The following LYG1 variants were observed in gnomAD, a reference collection of about 807,000 sequenced individuals.
LYG1 encodes the protein lysozyme g-like protein 1.
In LYG1, 17 loss-of-function variants were observed where a neutral mutation model predicts 21.7. The ratio of observed to expected loss-of-function variants is 0.78; its 90% CI spans 0.54 to 1.18. LYG1 has a LOEUF of 1.18. LYG1 is among the 50% of genes most tolerant of loss of function. The pLI, the probability that LYG1 is intolerant of heterozygous loss-of-function variation, is 0.00. For synonymous variants in LYG1, 81 were observed against 87.4 expected (o/e 0.93, Z 0.41); for missense variants, 211 against 238.1 (o/e 0.89, Z 0.75).
rs746220289 is a variant in LYG1, at chr2:99,295,703, C to CT, written c.-32-2dup. ...ATCTGGCTCTACGGCTCCTGAAACA[C>CT]TTTTAAAACAAAAATTAGCTTGAGA... On this transcript the variant is annotated splice_acceptor_variant, in intron 2 of 6. Coordinates refer to ENST00000308528, the MANE Select transcript of LYG1 (RefSeq NM_174898.3). LOFTEE classifies it low-confidence loss of function (5UTR_SPLICE). The CT allele has an allele frequency of 6.2e-7, 1 of 1,613,904 alleles. No individual in the cohort carries two copies.
chr2:99,295,770 T>TCA lies in LYG1; in HGVS notation c.-32-69_-32-68insTG, dbSNP rs1163523606. The TCA allele has an allele frequency of 3.5e-6, 5 of 1,446,482 alleles. No homozygotes were observed. The African/African-American group carries it at 7.0e-5, about 20-fold the overall frequency. The allele number at this position is 1,446,482 out of a possible 1,614,324, so 89.6% of individuals were successfully genotyped here. A position where few individuals can be genotyped will look rare whatever the true frequency, so the allele number is the denominator to read the frequency against. On this transcript the variant is annotated intron_variant, in intron 2 of 6. Coordinates refer to ENST00000308528, the MANE Select transcript of LYG1 (RefSeq NM_174898.3). ...CATCATCATAACCACATGTAATATT[T>TCA]CCACAGAAGCAGGGGTGAAAAGAAC...
At position 99,292,594 on chromosome 2, in the gene LYG1, G is replaced by A; in HGVS notation, c.90C>T (p.Ser30=). ...CACAAGATGCTCCAGGGGTGTCCAG[G>A]CTTTGGATGTTTCCATAGCATCCCC... is the stretch of plus-strand genomic sequence containing the variant. The part of the protein sequence containing the change: ...SNWGCYGNIQ[S]LDTPGASCGI... Residue 30 remains serine (S), a synonymous_variant, in exon 4 of 7, where the codon AGC becomes AGT. Coordinates refer to ENST00000308528, the MANE Select transcript of LYG1 (RefSeq NM_174898.3). The A allele has an allele frequency of 6.2e-7, 1 of 1,614,188 alleles. No individual in the cohort carries two copies. Among genetic ancestry groups the A allele is most frequent in the Non-Finnish European group, 8.5e-7 (1 of 1,180,026 alleles).
chr2:99,291,478 G>T, intron 4 of LYG1, 57 bp from the exon 5 acceptor site: 1 of 1,542,342 alleles, frequency 6.5e-7, no homozygotes, highest in Non-Finnish European at 8.9e-7. Context: ...TGCAACAGGA[G>T]CTCAAGGGGA....
intron 4 of LYG1, among the ~76,000 whole-genome samples, chr2:99,292,118 C>T (rs1450555033): frequency 1.3e-5 from 2 of 152,012 alleles, no homozygotes; most frequent in East Asian, 1.9e-4. Context: ...GAAATCCCAT[C>T]TCTACTAAAA....
intron 3 of LYG1, among the ~76,000 whole-genome samples, chr2:99,293,086 G>C (rs905708308): frequency 6.7e-6 from 1 of 148,440 alleles, no homozygotes; most frequent in African/African-American, 2.5e-5. Flanking sequence ...CTGCCTTCTG[G>C]GTTCAAGTGA....
At chr2:99,289,284 A>AC (rs1406957681) in intron 5 of LYG1, among the ~76,000 whole-genome samples, 2 of 151,894 alleles carry the variant, frequency 1.3e-5, no homozygotes, top group African/African-American at 4.8e-5. Context: ...ACATGATGAA[A>AC]CCCCATCTCT....
chr2:99,296,121 T>C (rs1260043709), intron 2 of LYG1, among the ~76,000 whole-genome samples: 1 of 152,116 alleles, frequency 6.6e-6, no homozygotes, highest in East Asian at 1.9e-4. Flanking sequence ...TGGTGACTTC[T>C]TGGAATTTAG....
chr2:99,297,145 T>C (rs2094139215), intron 2 of LYG1, among the ~76,000 whole-genome samples: 1 of 152,258 alleles, frequency 6.6e-6, no homozygotes, highest in Non-Finnish European at 1.5e-5. Context: ...TTTTGCTTAG[T>C]TGAGCACAAA....
In LYG1 at chr2:99,288,424, CAT is replaced by C. The variant is rs1374293812; in HGVS notation, c.333+2811_333+2812del. ...ATTTGGGCTTTTAATCTCGTTCATA[CAT>C]CTGTGTCTTTAAACCAGTAGGTTTC... On this transcript the variant is annotated intron_variant, in intron 5 of 6. Coordinates refer to ENST00000308528, the MANE Select transcript of LYG1 (RefSeq NM_174898.3). Among the ~76,000 whole-genome samples the C allele has an allele frequency of 1.6e-4, 25 of 152,236 alleles. 1 individual carries two copies. The South Asian group carries it at 5.0e-3, about 30-fold the overall frequency.
intron 5 of LYG1, among the ~76,000 whole-genome samples, chr2:99,290,373 G>C (rs941355402): frequency 6.6e-6 from 1 of 152,122 alleles, no homozygotes; most frequent in Non-Finnish European, 1.5e-5. Flanking sequence ...TGTCAAGGAT[G>C]GATTACGTGT....
upstream of LYG1, among the ~76,000 whole-genome samples, chr2:99,302,602 T>C (rs548414279): frequency 1.3e-5 from 2 of 152,326 alleles, no homozygotes; most frequent in South Asian, 2.1e-4. Flanking sequence ...GTATTCCTTA[T>C]GGCACATAAG....
At chr2:99,296,107 G>C (rs2094135438) in intron 2 of LYG1, among the ~76,000 whole-genome samples, 1 of 151,866 alleles carries the variant, frequency 6.6e-6, no homozygotes, top group African/African-American at 2.4e-5. Context: ...GGAGAATTTT[G>C]TATTGGTGAC....
In LYG1 at chr2:99,292,720, TA is replaced by T. The variant is rs1341058945; in HGVS notation, c.44-81del. 3.5e-6 allele frequency: 3 copies of T among 865,250 alleles called. No individual in the cohort carries two copies. In the African/African-American group the frequency reaches 5.1e-5, roughly 15 times the overall value. The allele number at this position is 865,250 out of a possible 1,614,324, so 53.6% of individuals were successfully genotyped here. ...CTGTCCATGAATAAAATTACATTAA[TA>T]AAAGTAACAATAATAAAATCCATTA... is the stretch of plus-strand genomic sequence containing the variant. On this transcript the variant is annotated intron_variant, in intron 3 of 6. Coordinates refer to ENST00000308528, the MANE Select transcript of LYG1 (RefSeq NM_174898.3).
chr2:99,297,348 C>T (rs1011895381), intron 2 of LYG1, among the ~76,000 whole-genome samples: 1 of 152,186 alleles, frequency 6.6e-6, no homozygotes, highest in Non-Finnish European at 1.5e-5. Flanking sequence ...ATAGGAAAAG[C>T]TCATGGTCTC....
At chr2:99,289,993 G>A (rs1271240059) in intron 5 of LYG1, among the ~76,000 whole-genome samples, 1 of 152,046 alleles carries the variant, frequency 6.6e-6, no homozygotes, top group Non-Finnish European at 1.5e-5. Flanking sequence ...CAAGTAGCTG[G>A]AATTACAGGC....
In LYG1 at chr2:99,284,805, C is replaced by T. The variant is rs760369249; in HGVS notation, c.349G>A (p.Ala117Thr). The T allele has an allele frequency of 2.5e-6, 4 of 1,613,016 alleles. No individual in the cohort carries two copies. Among genetic ancestry groups the T allele is most frequent in the Non-Finnish European group, 3.4e-6 (4 of 1,179,910 alleles). Residue 117 changes from alanine (A) to threonine (T), a missense_variant, in exon 6 of 7, where the codon GCT becomes ACT. Ala to Thr is a moderately conservative substitution (Grantham distance 58, BLOSUM62 0). Transcript: ENST00000308528. ...TSMVQDPGSQ[A>T]PTSWISESQV... ...GACTCACTAATCCAGGATGTGGGAGCTTGAGAGCCAGGGTCCTGCAGGGAA... is the reference window on the plus strand; with the variant it reads ...GACTCACTAATCCAGGATGTGGGAGTTTGAGAGCCAGGGTCCTGCAGGGAA...
chr2:99,289,666 C>T (rs2094112692), intron 5 of LYG1, among the ~76,000 whole-genome samples: 1 of 152,128 alleles, frequency 6.6e-6, no homozygotes, highest in Non-Finnish European at 1.5e-5. Context: ...GCTGCCAGTG[C>T]AAACCCTCCA....
At chr2:99,300,304 AGACACTGTGAGCTGGAAGG>A (rs2094150436) in intron 1 of LYG1, among the ~76,000 whole-genome samples, 1 of 152,076 alleles carries the variant, frequency 6.6e-6, no homozygotes. Flanking sequence ...CCCTGCATAG[AGACACTGTGAGCTGGAAGG>A]GAGTTCCTTC....
At chr2:99,299,246 CTTTTCTTTTTGTT>C (rs1239991827) in intron 1 of LYG1, among the ~76,000 whole-genome samples, 3 of 144,890 alleles carry the variant, frequency 2.1e-5, no homozygotes, top group Admixed American at 6.9e-5. Flanking sequence ...TTTTCTTTTT[CTTTTCTTTTTGTT>C]TTTTCTTTTT....
Sources: gnomAD v4.1 joint callset for allele counts (sites outside exome capture counted in the v4.1 genomes callset) on GRCh38, gnomAD v4.1.1 for gene constraint, MANE v1.5 for transcripts, NCBI Gene and HGNC (gene_info 2026-07-23, HGNC 2026-07-21) for gene names.